Variants in SPTAN1 observed in about 807,000 individuals in gnomAD.
SPTAN1 encodes spectrin alpha chain, non-erythrocytic 1.
In SPTAN1, 61 loss-of-function variants were observed where a neutral mutation model predicts 331.3. That is an observed-to-expected ratio of 0.18 (90% CI 0.15 to 0.23). The LOEUF (loss-of-function observed/expected upper bound fraction) is 0.23. Among genes scored for constraint, SPTAN1 ranks in the 10% least tolerant of loss-of-function variants. The pLI is 1.00. For synonymous variants in SPTAN1, 1,153 were observed against 1,173.9 expected (o/e 0.98, Z 0.36); for missense variants, 2,043 against 3,147.9 (o/e 0.65, Z 8.40).
At chr9:128,570,725 C>T (rs10988044) in intron 3 of SPTAN1, among the ~76,000 whole-genome samples, 24,214 of 151,422 alleles carry the variant, frequency 0.16, 2,457 homozygotes, top group East Asian at 0.44. Flanking sequence ...GGCACGATCC[C>T]GGCTCACTGC....
At chr9:128,570,319 TATATA>T (rs1850508933) in intron 3 of SPTAN1, among the ~76,000 whole-genome samples, 1 of 34,150 alleles carries the variant, frequency 2.9e-5, no homozygotes, top group African/African-American at 1.3e-4. Flanking sequence ...TATATATATA[TATATA>T]TATATATTTT....
intron 22 of SPTAN1, among the ~76,000 whole-genome samples, chr9:128,592,047 C>A (rs930172498): frequency 6.6e-6 from 1 of 152,152 alleles, no homozygotes; most frequent in Admixed American, 6.5e-5. Flanking sequence ...TTTCCTCTAG[C>A]TGAGCCCCCA....
chr9:128,572,106 T>G (rs1850793457), intron 3 of SPTAN1, among the ~76,000 whole-genome samples: 1 of 152,180 alleles, frequency 6.6e-6, no homozygotes, highest in Non-Finnish European at 1.5e-5. Flanking sequence ...GCAATCCGCC[T>G]GCCTCGGCCT....
rs1850516430 is a variant in SPTAN1 at position 128,570,322 on chromosome 9, ATATATATATTTTTTTTTTT to A, written c.363+1427_363+1445del. Among the ~76,000 whole-genome samples, 4 of 33,604 alleles carry A rather than the reference ATATATATATTTTTTTTTTT, an allele frequency of 1.2e-4. No homozygotes were observed. The Admixed American group carries it at 1.2e-3, about 10-fold the overall frequency. 22.0% of individuals were successfully genotyped at this position (33,604 alleles called of 152,430 possible). A position where few individuals can be genotyped will look rare whatever the true frequency, so the allele number is the denominator to read the frequency against. On this transcript the variant is annotated intron_variant, in intron 3 of 56. Coordinates refer to ENST00000372739, the MANE Select transcript of SPTAN1 (RefSeq NM_001130438.3). ...AGACAGCTTATATATATATATATATATATATATATTTTTTTTTTTTTTTTTTTTTTTTGAGACGAAGTTT... is the reference window on the plus strand; with the variant it reads ...AGACAGCTTATATATATATATATATATTTTTTTTTTTTTGAGACGAAGTTT...
At chr9:128,593,874 G>T (rs755266481) in intron 23 of SPTAN1, 3 of 408,416 alleles carry the variant, frequency 7.3e-6, no homozygotes, top group Non-Finnish European at 1.4e-5. Flanking sequence ...TGTGCTAAGC[G>T]CTTGGTTTCA....
Position 128,629,309 on chromosome 9 carries a change from C to T in SPTAN1, c.6708-1012C>T, listed in dbSNP as rs1859290316. 1 of 393,626 alleles carries T rather than the reference C, an allele frequency of 2.5e-6. No individual in the cohort carries two copies. Among genetic ancestry groups the T allele is most frequent in the Non-Finnish European group, 4.5e-6 (1 of 223,494 alleles). 24.4% of individuals were successfully genotyped at this position (393,626 alleles called of 1,614,324 possible). ...GGCTGCTTGGGAAGGAGGGGTCTGT[C>T]CTCCCACTGCACCGGCACCCAGCCT... On this transcript the variant is annotated intron_variant, in intron 51 of 56. Transcript: ENST00000372739. The surrounding 1 kb of genome is among the most constrained non-coding windows in gnomAD (Gnocchi z 4.9).
In SPTAN1 at chr9:128,591,548, C is replaced by T. The variant is rs779993051; in HGVS notation, c.3078C>T (p.Pro1026=). 3.0e-5 allele frequency: 49 copies of T among 1,614,004 alleles called. No individual in the cohort carries two copies. In the African/African-American group the frequency reaches 3.5e-4, roughly 11 times the overall value. Residue 1026 remains proline (P), a synonymous_variant, in exon 22 of 57, where the codon CCC becomes CCT. Transcript: ENST00000372739. ...VPAAYVKKLD[P]AQSASRENLL... is the part of the protein sequence containing the mutation. ...CTGCGTACGTGAAGAAATTGGACCC[C>T]GCCCAGTCAGCCTCCCGGGAGAATC...
intron 9 of SPTAN1, among the ~76,000 whole-genome samples, chr9:128,579,322 T>C (rs183637774): frequency 2.6e-5 from 4 of 152,292 alleles, no homozygotes; most frequent in Non-Finnish European, 2.9e-5. Flanking sequence ...AAAATCATAG[T>C]AAACAAGTCC....
intron 48 of SPTAN1, 38 bp from the exon 49 acceptor site, chr9:128,626,353 C>G (rs994265682): frequency 1.9e-6 from 3 of 1,610,264 alleles, no homozygotes; most frequent in Middle Eastern, 1.9e-4. Context: ...CACGTCCAGC[C>G]CTGGCGACTC....
intron 44 of SPTAN1, among the ~76,000 whole-genome samples, chr9:128,619,941 C>T (rs1241538901): frequency 6.6e-6 from 1 of 152,210 alleles, no homozygotes; most frequent in Non-Finnish European, 1.5e-5. Context: ...GCTGAGAGAT[C>T]CATCACACAC....
In SPTAN1 at chr9:128,609,119, C is replaced by T. The variant is rs1209204317; in HGVS notation, c.4596-3C>T. 1 of 1,614,212 alleles carries T rather than the reference C, an allele frequency of 6.2e-7. No homozygotes were observed. Among genetic ancestry groups the T allele is most frequent in the Admixed American group, 1.7e-5 (1 of 60,016 alleles). On this transcript the variant is annotated splice_polypyrimidine_tract_variant and splice_region_variant and intron_variant, in intron 35 of 56. Coordinates refer to ENST00000372739, the MANE Select transcript of SPTAN1 (RefSeq NM_001130438.3). ...GTTGGATCTCATGGTTTCACTCTTT[C>T]AGGTGGCGACGTCTGAAAGCCCAGA...
chr9:128,556,544 A>G (rs1305879520), intron 1 of SPTAN1, among the ~76,000 whole-genome samples: 7 of 152,224 alleles, frequency 4.6e-5, no homozygotes, highest in African/African-American at 1.7e-4. Flanking sequence ...TAGCAGCAAG[A>G]TAGTATTTGG....
chr9:128,624,551 C>T, intron 46 of SPTAN1, 64 bp downstream of exon 46: 1 of 1,581,678 alleles, frequency 6.3e-7, no homozygotes, highest in South Asian at 1.1e-5. Context: ...CCTTCCGTGT[C>T]ATTGGTTTTC....
chr9:128,568,747 G>A (rs764175244), intron 2 of SPTAN1, 25 bp from the exon 3 acceptor site: 1 of 1,613,682 alleles, frequency 6.2e-7, no homozygotes, highest in Admixed American at 1.7e-5. Flanking sequence ...TTGCGTCTGA[G>A]GCTCACTTCA....
Position 128,632,975 on chromosome 9 carries a change from G to A in SPTAN1, c.7308+20G>A, listed in dbSNP as rs756557495. On this transcript the variant is annotated intron_variant, in intron 56 of 56. Transcript: ENST00000372739. Reference sequence around the variant, plus strand: ...TACCAGGTATGGGCCTCAGGAGGTGGGTGAAGAGGTGTCCTTTGGAAAACT... The same window carrying A: ...TACCAGGTATGGGCCTCAGGAGGTGAGTGAAGAGGTGTCCTTTGGAAAACT... 1 of 1,609,220 alleles carries A rather than the reference G, an allele frequency of 6.2e-7. No individual in the cohort carries two copies. The highest frequency in any genetic ancestry group is 1.1e-5 in the South Asian group (1 of 91,068).
At chr9:128,614,077 G>A (rs529559638) in intron 40 of SPTAN1, among the ~76,000 whole-genome samples, 93 of 152,232 alleles carry the variant, frequency 6.1e-4, no homozygotes, top group African/African-American at 2.2e-3. Context: ...TACACAGGTA[G>A]GTAGGTAGAA....
intron 27 of SPTAN1, 102 bp downstream of exon 27, chr9:128,600,217 T>C: frequency 1.5e-6 from 2 of 1,312,872 alleles, no homozygotes; most frequent in Non-Finnish European, 2.2e-6. Context: ...CTTAAGTCTT[T>C]AGTCATTTCT....
intron 44 of SPTAN1, among the ~76,000 whole-genome samples, chr9:128,620,766 G>A (rs553577211): frequency 6.6e-6 from 1 of 152,204 alleles, no homozygotes; most frequent in Admixed American, 6.5e-5. Flanking sequence ...TCTGAGATGT[G>A]TTCAAGTTAA....
Position 128,581,637 on chromosome 9 carries a change from C to G in SPTAN1, c.1462-145C>G, listed in dbSNP as rs1020314370. The G allele has an allele frequency of 8.4e-6, 6 of 714,714 alleles. No homozygotes were observed. The African/African-American group carries it at 1.1e-4, about 13-fold the overall frequency. The allele number at this position is 714,714 out of a possible 1,614,324, so 44.3% of individuals were successfully genotyped here. A position where few individuals can be genotyped will look rare whatever the true frequency, so the allele number is the denominator to read the frequency against. On this transcript the variant is annotated intron_variant, in intron 11 of 56. Transcript: ENST00000372739. ...TAAGAAAATCCAAAAGGACTTTAGA[C>G]TTCCTAGAAGAGATCTTAGAAGTTT...
Sources: gnomAD v4.1 joint callset for allele counts (sites outside exome capture counted in the v4.1 genomes callset) on GRCh38, gnomAD v4.1.1 for gene constraint, Gnocchi (gnomAD v3.1) non-coding constraint, MANE v1.5 for transcripts, NCBI Gene and HGNC (gene_info 2026-07-23, HGNC 2026-07-21) for gene names.